The following CNTN5 variants were observed in gnomAD, a reference collection of about 807,000 sequenced individuals.
CNTN5 encodes contactin 5.
Under a neutral mutation model 129.1 loss-of-function variants are expected in CNTN5, and 77 were observed. The observed-to-expected ratio is 0.60, with a 90% confidence interval of 0.50 to 0.72. The LOEUF (loss-of-function observed/expected upper bound fraction) is 0.72. Ranked by LOEUF, CNTN5 falls within the 30% of genes least tolerant of loss-of-function variation. The probability of loss-of-function intolerance (pLI) is 0.00; values close to 1 mark genes in which losing one functional copy is unlikely to be tolerated. For synonymous variants in CNTN5, 509 were observed against 465.6 expected, an observed-to-expected ratio of 1.09 and a Z score of -1.20; for missense variants, 1,478 against 1,328.8, an observed-to-expected ratio of 1.11 and a Z score of -1.75.
At chr11:99,538,440 A>T (rs1947980372) in intron 2 of CNTN5, among the ~76,000 whole-genome samples, 1 of 152,100 alleles carries the variant, frequency 6.6e-6, no homozygotes, top group Non-Finnish European at 1.5e-5. Context: ...TAATTATGAG[A>T]TGTGTTTAAG....
At chr11:99,312,636 C>G (rs1044912387) in intron 1 of CNTN5, among the ~76,000 whole-genome samples, 1 of 152,096 alleles carries the variant, frequency 6.6e-6, no homozygotes, top group Non-Finnish European at 1.5e-5. Context: ...TGTAGCCTTT[C>G]TATATCTCTG....
At chr11:99,087,583 A>C (rs1013702690) in intron 1 of CNTN5, among the ~76,000 whole-genome samples, 3 of 152,168 alleles carry the variant, frequency 2.0e-5, no homozygotes, top group African/African-American at 7.2e-5. Context: ...ACCGTCATAC[A>C]TTTAATCCAG....
chr11:99,919,154 C>T (rs941674891), intron 7 of CNTN5, among the ~76,000 whole-genome samples: 5 of 152,152 alleles, frequency 3.3e-5, no homozygotes, highest in African/African-American at 4.8e-5. Flanking sequence ...CTGAGAAATC[C>T]TGTCTTTACG....
chr11:99,281,764 T>A (rs575806893), intron 1 of CNTN5, among the ~76,000 whole-genome samples: 1 of 152,204 alleles, frequency 6.6e-6, no homozygotes, highest in East Asian at 1.9e-4. Flanking sequence ...TGTTGACTAA[T>A]ATTTTTATTA....
intron 3 of CNTN5, among the ~76,000 whole-genome samples, chr11:99,768,747 C>G (rs1591132133): frequency 6.6e-6 from 1 of 152,090 alleles, no homozygotes; most frequent in Admixed American, 6.6e-5. Context: ...ATTGGTGACA[C>G]TAAGTTTGAG....
chr11:99,141,029 T>A (rs955844927), intron 1 of CNTN5, among the ~76,000 whole-genome samples: 1 of 151,962 alleles, frequency 6.6e-6, no homozygotes, highest in African/African-American at 2.4e-5. Context: ...TAGGGAGGAG[T>A]CCATCCTTCT....
intron 1 of CNTN5, among the ~76,000 whole-genome samples, chr11:99,156,823 GTGCA>G (rs1860358223): frequency 6.6e-6 from 1 of 151,872 alleles, no homozygotes. Flanking sequence ...GTATTACAAT[GTGCA>G]CAGTGCTCAA....
intron 1 of CNTN5, among the ~76,000 whole-genome samples, chr11:99,152,452 T>C (rs1860111814): frequency 1.3e-5 from 2 of 152,218 alleles, no homozygotes; most frequent in Non-Finnish European, 1.5e-5. Context: ...TTGTCTGAAA[T>C]TGGAATAGCA....
intron 2 of CNTN5, among the ~76,000 whole-genome samples, chr11:99,450,932 T>A (rs1944280001): frequency 6.6e-6 from 1 of 152,096 alleles, no homozygotes; most frequent in South Asian, 2.1e-4. Context: ...ATAAGAATTA[T>A]TCTAATATTA....
At chr11:99,333,335 G>T (rs1866081860) in intron 2 of CNTN5, among the ~76,000 whole-genome samples, 1 of 151,912 alleles carries the variant, frequency 6.6e-6, no homozygotes, top group Non-Finnish European at 1.5e-5. Flanking sequence ...AAAACAGATA[G>T]GTTTCAGGGA....
chr11:99,222,542 T>C (rs10790541), intron 1 of CNTN5, among the ~76,000 whole-genome samples: 89,295 of 151,776 alleles, frequency 0.59, 26,695 homozygotes, highest in East Asian at 0.94. Context: ...TTTCAAAAGG[T>C]AAATAAAATG....
intron 1 of CNTN5, among the ~76,000 whole-genome samples, chr11:99,066,336 T>C (rs1403113351): frequency 6.6e-6 from 1 of 152,078 alleles, no homozygotes; most frequent in Admixed American, 6.6e-5. Context: ...ACTCCTGAGC[T>C]CAGGCAGTCT....
chr11:99,661,194 G>A (rs1426372042), intron 3 of CNTN5, among the ~76,000 whole-genome samples: 1 of 152,086 alleles, frequency 6.6e-6, no homozygotes, highest in Non-Finnish European at 1.5e-5. Context: ...TGGTTGGGAT[G>A]ATACTTAAAT....
chr11:99,718,138 A>C (rs1376127773), intron 3 of CNTN5, among the ~76,000 whole-genome samples: 1 of 152,022 alleles, frequency 6.6e-6, no homozygotes, highest in Non-Finnish European at 1.5e-5. Flanking sequence ...ACACATCTTC[A>C]GGAATTATTT....
At chr11:99,306,960 C>A (rs551934606) in intron 1 of CNTN5, among the ~76,000 whole-genome samples, 9 of 152,142 alleles carry the variant, frequency 5.9e-5, no homozygotes, top group African/African-American at 2.2e-4. Flanking sequence ...TTCCTGAGAA[C>A]AACTTCAGTT....
At chr11:100,116,471 T>A (rs1031418821) in intron 13 of CNTN5, among the ~76,000 whole-genome samples, 6 of 151,648 alleles carry the variant, frequency 4.0e-5, no homozygotes, top group Middle Eastern at 3.4e-3. Flanking sequence ...TATATTCAGG[T>A]ATCACTGATT....
chr11:100,325,674 T>G (rs1409854430), intron 21 of CNTN5, among the ~76,000 whole-genome samples: 1 of 152,190 alleles, frequency 6.6e-6, no homozygotes, highest in Non-Finnish European at 1.5e-5. Context: ...TGTTTGAAAA[T>G]ACGAGTAGAG....
chr11:99,849,688 G>A (rs1347423723), intron 6 of CNTN5, among the ~76,000 whole-genome samples: 2 of 152,064 alleles, frequency 1.3e-5, no homozygotes, highest in Admixed American at 1.3e-4. Flanking sequence ...AGCTCACATT[G>A]ACAGCTTGTA....
chr11:100,165,102 G>T (rs1038921699), intron 13 of CNTN5, among the ~76,000 whole-genome samples: 1 of 151,664 alleles, frequency 6.6e-6, no homozygotes, highest in South Asian at 2.1e-4. Flanking sequence ...GGAGATGAGG[G>T]TCAGGACTAG....
Sources: allele counts gnomAD v4.1 joint callset (sites outside exome capture counted in the v4.1 genomes callset), GRCh38; gene constraint gnomAD v4.1.1; transcripts MANE v1.5; gene names NCBI Gene and HGNC (gene_info 2026-07-23, HGNC 2026-07-21).